Variants in MOK observed in about 807,000 individuals in gnomAD.
The protein encoded by MOK is MOK protein kinase.
MOK carries 59 observed loss-of-function variants against 54.2 expected under a neutral mutation model. The observed-to-expected ratio is 1.09, with a 90% CI of 0.88 to 1.35. The LOEUF (loss-of-function observed/expected upper bound fraction) is 1.35, where lower values mean the gene tolerates loss of function less well. Among genes scored for constraint, MOK ranks in the 40% most tolerant of loss-of-function variants. MOK has a pLI of 0.00. For synonymous variants in MOK, 210 were observed against 202.7 expected (o/e 1.04, Z -0.31); for missense variants, 517 against 526.2 (o/e 0.98, Z 0.17).
rs10148315 is a variant in MOK at position 102,292,447 on chromosome 14, T to C, written c.8-8855A>G. Among the ~76,000 whole-genome samples, 1,115 of 152,210 alleles carry C rather than the reference T, an allele frequency of 7.3e-3. 13 individuals are homozygous for C. Among genetic ancestry groups the C allele is most frequent in the African/African-American group, 0.026 (1,064 of 41,502 alleles). ...GAGATAGCACCACTGCACTCTAGCCTGGGCAACAGAGCAAGACTCCATCTC... is the reference window on the plus strand; with the variant it reads ...GAGATAGCACCACTGCACTCTAGCCCGGGCAACAGAGCAAGACTCCATCTC... On this transcript the variant is annotated intron_variant, in intron 1 of 11. Transcript: ENST00000361847.
At position 102,240,124 on chromosome 14, in the gene MOK, C is replaced by T. The variant is rs2065590596; in HGVS notation, c.591-6335G>A. On this transcript the variant is annotated intron_variant, in intron 7 of 11. Transcript: ENST00000361847. The surrounding 1 kb of genome is among the most constrained non-coding windows in gnomAD (Gnocchi z 5.4). ...TCCACACTGAGCACCTTGTGATCCCCTAGCCCCTGCCCGCCAGAGAACAAC... is the reference window on the plus strand; with the variant it reads ...TCCACACTGAGCACCTTGTGATCCCTTAGCCCCTGCCCGCCAGAGAACAAC... Among the ~76,000 whole-genome samples the T allele has an allele frequency of 6.6e-6, 1 of 151,204 alleles. No homozygotes were observed. Among genetic ancestry groups the T allele is most frequent in the Non-Finnish European group, 1.5e-5 (1 of 67,514 alleles).
chr14:102,226,742 T>C (rs1374095201), downstream of MOK, among the ~76,000 whole-genome samples: 1 of 152,110 alleles, frequency 6.6e-6, no homozygotes, highest in Non-Finnish European at 1.5e-5. The surrounding 1 kb of genome is among the most constrained non-coding windows in gnomAD (Gnocchi z 4.8). Flanking sequence ...TTTCTCCAAA[T>C]CTGTAGGAAA....
At chr14:102,291,145 C>A (rs2070721310) in intron 1 of MOK, among the ~76,000 whole-genome samples, 1 of 152,166 alleles carries the variant, frequency 6.6e-6, no homozygotes, top group Non-Finnish European at 1.5e-5. Flanking sequence ...CAGGACAGAG[C>A]ACGGTACCAT....
chr14:102,296,120 C>A (rs2071389238), intron 1 of MOK, among the ~76,000 whole-genome samples: 1 of 152,012 alleles, frequency 6.6e-6, no homozygotes, highest in Admixed American at 6.6e-5. Context: ...GTGGTGCCTG[C>A]CTGTAATCTC....
intron 2 of MOK, among the ~76,000 whole-genome samples, chr14:102,275,457 G>C (rs957234570): frequency 6.6e-6 from 1 of 151,544 alleles, no homozygotes; most frequent in African/African-American, 2.4e-5. Context: ...CCAGCTACTC[G>C]GGAGGCTGAG....
chr14:102,294,409 G>A (rs548401800), intron 1 of MOK, among the ~76,000 whole-genome samples: 176 of 148,186 alleles, frequency 1.2e-3, no homozygotes, highest in Non-Finnish European at 1.9e-3. Flanking sequence ...TAGCGCCACT[G>A]CACTCCAGCC....
In MOK at chr14:102,296,646, G is replaced by C. The variant is rs1023333774; in HGVS notation, c.7+8316C>G. 5.9e-5 allele frequency among the ~76,000 whole-genome samples: 9 copies of C among 152,164 alleles called. No homozygotes were observed. In the East Asian group the frequency reaches 1.7e-3, roughly 29 times the overall value. ...ATGCATCTACTTATAAAAACAGAAAGTGGCCAGGCACAGCTGTAATTCCAA... is the reference window on the plus strand; with the variant it reads ...ATGCATCTACTTATAAAAACAGAAACTGGCCAGGCACAGCTGTAATTCCAA... On this transcript the variant is annotated intron_variant, in intron 1 of 11. Transcript: ENST00000361847.
intron 4 of MOK, among the ~76,000 whole-genome samples, chr14:102,254,047 C>T (rs1230586425): frequency 2.0e-5 from 3 of 151,724 alleles, no homozygotes; most frequent in Non-Finnish European, 2.9e-5. Flanking sequence ...TGCATTGGTA[C>T]GATCTCCGCC....
intron 2 of MOK, among the ~76,000 whole-genome samples, chr14:102,282,103 T>C (rs1175723791): frequency 6.6e-6 from 1 of 152,098 alleles, no homozygotes; most frequent in Non-Finnish European, 1.5e-5. Flanking sequence ...CCAGATGTCA[T>C]GAGGATGAAA....
intron 2 of MOK, among the ~76,000 whole-genome samples, chr14:102,272,422 AG>A (rs2068452626): frequency 6.6e-6 from 1 of 151,996 alleles, no homozygotes; most frequent in Admixed American, 6.6e-5. Flanking sequence ...GGTTGCAGTG[AG>A]CCGAGATCAC....
chr14:102,217,774 TAAG>T, the MOK span, among the ~76,000 whole-genome samples: 1 of 152,234 alleles, frequency 6.6e-6, no homozygotes, highest in Non-Finnish European at 1.5e-5. Flanking sequence ...CGTGAGCAGT[TAAG>T]GAGTGTGTTC....
chr14:102,295,004 C>A (rs1238298618), intron 1 of MOK, among the ~76,000 whole-genome samples: 2 of 152,140 alleles, frequency 1.3e-5, no homozygotes, highest in African/African-American at 2.4e-5. Context: ...AAAAAAGAAA[C>A]CACCTCTATG....
intron 2 of MOK, among the ~76,000 whole-genome samples, chr14:102,270,598 C>CAA (rs112965763): frequency 2.3e-5 from 3 of 130,906 alleles, no homozygotes; most frequent in Non-Finnish European, 4.9e-5. Context: ...GACTCCATCT[C>CAA]AAAAAAAAAA....
intron 4 of MOK, among the ~76,000 whole-genome samples, chr14:102,256,392 GTC>G (rs765546005): frequency 0.011 from 1,679 of 147,538 alleles, 17 homozygotes; most frequent in Non-Finnish European, 0.015. Flanking sequence ...GTGAAACCCC[GTC>G]TCTACTAAAA....
chr14:102,225,148 C>A (rs1336139613), downstream of MOK: 1 of 221,812 alleles, frequency 4.5e-6, no homozygotes, highest in African/African-American at 2.4e-5. Context: ...GTAGCCCCAA[C>A]CTCCTGGGTT....
downstream of MOK, among the ~76,000 whole-genome samples, chr14:102,228,287 C>T (rs569219658): frequency 2.5e-4 from 38 of 152,344 alleles, no homozygotes; most frequent in African/African-American, 8.2e-4. Flanking sequence ...AGAAGAGACC[C>T]TTCAGGCCTG....
rs1467219450 is a variant in MOK at position 102,249,018 on chromosome 14, C to T, written c.590+1794G>A. Among the ~76,000 whole-genome samples the T allele has an allele frequency of 8.5e-5, 13 of 152,074 alleles. No individual in the cohort carries two copies. Among genetic ancestry groups the T allele is most frequent in the Non-Finnish European group, 1.9e-4 (13 of 68,020 alleles). On this transcript the variant is annotated intron_variant, in intron 7 of 11. Transcript: ENST00000361847. The surrounding 1 kb of genome is among the most constrained non-coding windows in gnomAD (Gnocchi z 5.3). Reference sequence around the variant, plus strand: ...CCTCGACCAGGCAGACTCGCTCACACGGAACGCGAGGAACTCAGCCTGGCG... The same window carrying T: ...CCTCGACCAGGCAGACTCGCTCACATGGAACGCGAGGAACTCAGCCTGGCG...
rs757338866 is a variant in MOK at position 102,229,082 on chromosome 14, T to C, written c.*207A>G. 25 of 523,440 alleles carry C rather than the reference T, an allele frequency of 4.8e-5. No individual in the cohort carries two copies. Among genetic ancestry groups the C allele is most frequent in the Admixed American group, 1.9e-4 (5 of 26,934 alleles). 32.4% of individuals were successfully genotyped at this position (523,440 alleles called of 1,614,324 possible). A position where few individuals can be genotyped will look rare whatever the true frequency, so the allele number is the denominator to read the frequency against. ...AAGAAAACCCTAGAATGCGGTGGTTTTACAAGTATATTAGCCCAGAACATC... is the reference window on the plus strand; with the variant it reads ...AAGAAAACCCTAGAATGCGGTGGTTCTACAAGTATATTAGCCCAGAACATC... On this transcript the variant is annotated 3_prime_UTR_variant, in exon 12 of 12. Coordinates refer to ENST00000361847, the MANE Select transcript of MOK (RefSeq NM_014226.3).
At chr14:102,248,487 A>C (rs1183940912) in intron 7 of MOK, among the ~76,000 whole-genome samples, 1 of 152,100 alleles carries the variant, frequency 6.6e-6, no homozygotes, top group Non-Finnish European at 1.5e-5. Flanking sequence ...ACCAGCAAAC[A>C]ACCCTGGGAT....
Sources: allele counts gnomAD v4.1 joint callset (sites outside exome capture counted in the v4.1 genomes callset), GRCh38; gene constraint gnomAD v4.1.1; non-coding constraint Gnocchi (gnomAD v3.1); transcripts MANE v1.5; gene names NCBI Gene and HGNC (gene_info 2026-07-23, HGNC 2026-07-21).